The following PARD3B variants were observed in gnomAD, a reference collection of about 807,000 sequenced individuals.
PARD3B encodes partitioning defective 3 homolog B.
PARD3B carries 103 observed loss-of-function variants against 130.2 expected under a neutral mutation model. That is an observed-to-expected ratio of 0.79 (90% CI 0.67 to 0.93). PARD3B has a LOEUF of 0.93. PARD3B is among the 40% of genes least tolerant of loss of function. PARD3B has a pLI of 0.00. For synonymous variants in PARD3B, 583 were observed against 553.2 expected (o/e 1.05, Z -0.76); for missense variants, 1,609 against 1,499.2 (o/e 1.07, Z -1.21).
chr2:204,557,450 C>T (rs1251379552), intron 1 of PARD3B, among the ~76,000 whole-genome samples: 1 of 152,224 alleles, frequency 6.6e-6, no homozygotes, highest in South Asian at 2.1e-4. Context: ...GAAGTTATCT[C>T]TCTTGGATCT....
At chr2:204,879,320 C>T (rs542276069) in intron 2 of PARD3B, among the ~76,000 whole-genome samples, 44 of 152,226 alleles carry the variant, frequency 2.9e-4, no homozygotes, top group Admixed American at 9.2e-4. Context: ...GGGGTAAGAA[C>T]GTCTCAGGAC....
chr2:205,244,292 T>C lies in PARD3B; in HGVS notation c.2141-1486T>C, dbSNP rs2039476919. Among the ~76,000 whole-genome samples the C allele has an allele frequency of 6.6e-6, 1 of 152,204 alleles. No individual in the cohort carries two copies. The highest frequency in any genetic ancestry group is 6.5e-5 in the Admixed American group (1 of 15,286). On this transcript the variant is annotated intron_variant, in intron 15 of 22. Transcript: ENST00000406610. This position sits in a 1 kb window ranked among gnomAD's most constrained non-coding sequence, Gnocchi z 4.7. ...TGTTAGGCGAAATGGAAGAGATTCT[T>C]CTTGTTAGCAAATTTCCCCTCGCCT...
intron 18 of PARD3B, among the ~76,000 whole-genome samples, chr2:205,392,114 A>G (rs995764880): frequency 6.6e-6 from 1 of 152,142 alleles, no homozygotes; most frequent in South Asian, 2.1e-4. Context: ...AATCCATTGC[A>G]TTTCCTAGCC....
chr2:205,257,157 G>C (rs1432293763), intron 16 of PARD3B, among the ~76,000 whole-genome samples: 2 of 151,964 alleles, frequency 1.3e-5, no homozygotes, highest in Non-Finnish European at 2.9e-5. Flanking sequence ...AAACTTAAAG[G>C]AACCTAGATT....
chr2:205,012,700 G>T (rs2125312245), intron 3 of PARD3B, among the ~76,000 whole-genome samples: 1 of 152,288 alleles, frequency 6.6e-6, no homozygotes, highest in African/African-American at 2.4e-5. Flanking sequence ...TGTTTTAACT[G>T]CACATATAAC....
chr2:205,476,140 A>T (rs2049013535), intron 20 of PARD3B, among the ~76,000 whole-genome samples: 1 of 152,194 alleles, frequency 6.6e-6, no homozygotes, highest in African/African-American at 2.4e-5. Flanking sequence ...CAGTGTCCAC[A>T]AGCTGGATTT....
chr2:204,655,685 A>G (rs1559033391), intron 1 of PARD3B, among the ~76,000 whole-genome samples: 6 of 152,188 alleles, frequency 3.9e-5, no homozygotes. Context: ...GTGAACATGT[A>G]CAATGGAGAC....
intron 19 of PARD3B, among the ~76,000 whole-genome samples, chr2:205,408,990 G>T (rs1346806368): frequency 6.6e-6 from 1 of 152,060 alleles, no homozygotes; most frequent in Non-Finnish European, 1.5e-5. Context: ...GTAAAAATGT[G>T]TATTTGAATA....
intron 1 of PARD3B, among the ~76,000 whole-genome samples, chr2:204,554,629 T>G (rs962734634): frequency 2.0e-5 from 3 of 151,950 alleles, no homozygotes; most frequent in African/African-American, 7.3e-5. Flanking sequence ...TTAAATAGAC[T>G]TTAGTGTCTC....
intron 3 of PARD3B, among the ~76,000 whole-genome samples, chr2:204,984,306 T>G (rs1304694991): frequency 6.6e-6 from 1 of 152,192 alleles, no homozygotes; most frequent in African/African-American, 2.4e-5. Context: ...CAGTTGAGAC[T>G]AATCAAAATA....
intron 11 of PARD3B, among the ~76,000 whole-genome samples, chr2:205,168,084 A>G (rs557389901): frequency 1.3e-5 from 2 of 152,304 alleles, no homozygotes; most frequent in Admixed American, 6.5e-5. Context: ...TCTAAAGTGC[A>G]CTGAAGAAGT....
chr2:205,510,424 C>G (rs76140043), intron 21 of PARD3B, among the ~76,000 whole-genome samples: 5,011 of 152,292 alleles, frequency 0.033, 174 homozygotes, highest in South Asian at 0.14. Flanking sequence ...GGGTGGCCTT[C>G]ACATCCTGCT....
intron 3 of PARD3B, among the ~76,000 whole-genome samples, chr2:204,984,327 G>A (rs943593799): frequency 1.3e-5 from 2 of 152,068 alleles, no homozygotes; most frequent in African/African-American, 4.8e-5. Context: ...GTTTTTACGT[G>A]TAGTTTGGAT....
chr2:204,903,964 G>A (rs1168279733), intron 2 of PARD3B, among the ~76,000 whole-genome samples: 1 of 152,098 alleles, frequency 6.6e-6, no homozygotes, highest in East Asian at 1.9e-4. Context: ...TCTGTGCTGA[G>A]ATATCCCGTT....
intron 2 of PARD3B, among the ~76,000 whole-genome samples, chr2:204,883,003 A>G (rs1409266569): frequency 6.6e-6 from 1 of 152,174 alleles, no homozygotes; most frequent in African/African-American, 2.4e-5. Context: ...TCCTGTAAAG[A>G]CACCTTGTAG....
chr2:204,924,033 A>T (rs1687396594), intron 2 of PARD3B, among the ~76,000 whole-genome samples: 1 of 152,066 alleles, frequency 6.6e-6, no homozygotes, highest in East Asian at 1.9e-4. Flanking sequence ...TTAAACTCAG[A>T]TTCTGTAAAA....
At chr2:205,024,329 C>T (rs141369603) in intron 3 of PARD3B, among the ~76,000 whole-genome samples, 2,694 of 151,676 alleles carry the variant, frequency 0.018, 51 homozygotes, top group East Asian at 0.11. Flanking sequence ...CCACCACACC[C>T]GGCTAATTTT....
At chr2:205,088,434 TG>T (rs1701876124) in intron 4 of PARD3B, among the ~76,000 whole-genome samples, 1 of 152,056 alleles carries the variant, frequency 6.6e-6, no homozygotes, top group Non-Finnish European at 1.5e-5. Flanking sequence ...TAGGGTAAAA[TG>T]TGATAAGCTG....
chr2:205,103,190 T>A (rs1487827220), intron 4 of PARD3B, among the ~76,000 whole-genome samples: 2 of 145,648 alleles, frequency 1.4e-5, no homozygotes, highest in East Asian at 3.9e-4. Flanking sequence ...AAGTAAACAT[T>A]TTATATTTAT....
Sources: gnomAD v4.1 joint callset for allele counts (sites outside exome capture counted in the v4.1 genomes callset) on GRCh38, gnomAD v4.1.1 for gene constraint, Gnocchi (gnomAD v3.1) non-coding constraint, MANE v1.5 for transcripts, NCBI Gene and HGNC (gene_info 2026-07-23, HGNC 2026-07-21) for gene names.